The following ZNF506 variants were observed in gnomAD, a reference collection of about 807,000 sequenced individuals.
ZNF506 encodes zinc finger protein 506.
Under a neutral mutation model 11.6 loss-of-function variants are expected in ZNF506, and 10 were observed. That is an observed-to-expected ratio of 0.86 (90% CI 0.53 to 1.46). The LOEUF is 1.46. Among genes scored for constraint, ZNF506 ranks in the 40% most tolerant of loss-of-function variants. The pLI is 0.00. For missense variants in ZNF506, 425 were observed against 521.2 expected, an observed-to-expected ratio of 0.82 and a Z score of 1.80; for synonymous variants, 156 against 173.3, an observed-to-expected ratio of 0.90 and a Z score of 0.78.
chr19:19,797,023 CT>C (rs1259250115), intron 3 of ZNF506: 1 of 152,104 alleles, frequency 6.6e-6, no homozygotes, highest in East Asian at 1.9e-4. Flanking sequence ...TAACAGGTAG[CT>C]TTTTGTTCAT....
intron 1 of ZNF506, among the ~76,000 whole-genome samples, chr19:19,807,482 G>A (rs1253306563): frequency 6.6e-6 from 1 of 151,844 alleles, no homozygotes; most frequent in African/African-American, 2.4e-5. Flanking sequence ...TTTTTTTCCA[G>A]AAGATCTGAA....
intron 1 of ZNF506, among the ~76,000 whole-genome samples, chr19:19,809,356 AAC>A (rs1158009784): frequency 6.6e-6 from 1 of 152,206 alleles, no homozygotes; most frequent in African/African-American, 2.4e-5. Context: ...AGGGCAGAAA[AAC>A]ACAAGTAGAG....
chr19:19,801,266 G>A lies in ZNF506; in HGVS notation c.226+4765C>T, dbSNP rs896050592. On this transcript the variant is annotated intron_variant, in intron 3 of 3. Transcript: ENST00000540806. ...AGCCCTTTGGGAGGCCAAGGCGGGT[G>A]GATTGCCTGAGGTCAGGAGTTCAAG... is the stretch of plus-strand genomic sequence containing the variant. 2.3e-4 allele frequency among the ~76,000 whole-genome samples: 35 copies of A among 152,076 alleles called. 1 individual carries two copies. Among genetic ancestry groups the A allele is most frequent in the African/African-American group, 8.0e-4 (33 of 41,422 alleles).
intron 1 of ZNF506, among the ~76,000 whole-genome samples, chr19:19,808,411 C>T (rs1286980320): frequency 6.6e-6 from 1 of 151,486 alleles, no homozygotes; most frequent in Non-Finnish European, 1.5e-5. Flanking sequence ...GCGTGAGCCA[C>T]TCTGCCCAGC....
chr19:19,820,086 A>C (rs2062957724), intron 1 of ZNF506, among the ~76,000 whole-genome samples: 1 of 149,258 alleles, frequency 6.7e-6, no homozygotes, highest in South Asian at 2.1e-4. Context: ...ACAGAGTGAG[A>C]CTCCATCTCA....
intron 1 of ZNF506, among the ~76,000 whole-genome samples, chr19:19,820,875 G>T (rs1435776342): frequency 1.3e-5 from 2 of 151,844 alleles, no homozygotes; most frequent in African/African-American, 2.4e-5. Context: ...TAAATTATTT[G>T]ATATTTTTGC....
At chr19:19,805,916 G>A (rs2145188811) in intron 3 of ZNF506, 115 bp downstream of exon 3, 1 of 903,986 alleles carries the variant, frequency 1.1e-6, no homozygotes, top group Non-Finnish European at 1.7e-6. Flanking sequence ...AGCTGCCCAG[G>A]AACTATTTCC....
intron 1 of ZNF506, among the ~76,000 whole-genome samples, chr19:19,813,455 A>G (rs1385140652): frequency 6.6e-6 from 1 of 152,208 alleles, no homozygotes; most frequent in Non-Finnish European, 1.5e-5. Flanking sequence ...TGCTGGTAGG[A>G]GTGTAAATTA....
chr19:19,812,628 C>A (rs2062891893), intron 1 of ZNF506, among the ~76,000 whole-genome samples: 1 of 152,194 alleles, frequency 6.6e-6, no homozygotes, highest in African/African-American at 2.4e-5. Context: ...ACTCCCAATG[C>A]AGAAAATGCC....
chr19:19,794,552 T>A lies in ZNF506; in HGVS notation c.1335A>T (p.Ter445TyrextTer23). Reference protein sequence around the residue: ...NVPQPLISIR* With the variant: ...NVPQPLISIRY ...TCATACGGTTTCTCTCCAGTATGAATTATCTTATGCTTATTAAGGGTTGAG... is the reference window on the plus strand; with the variant it reads ...TCATACGGTTTCTCTCCAGTATGAAATATCTTATGCTTATTAAGGGTTGAG... The change falls in exon 4 of 4, where the codon TAA becomes TAT. Residue 445 changes from the stop codon to tyrosine, a stop_lost. Coordinates refer to ENST00000540806, the MANE Select transcript of ZNF506 (RefSeq NM_001099269.3). 1 of 1,582,958 alleles carries A rather than the reference T, an allele frequency of 6.3e-7. No individual in the cohort carries two copies. The highest frequency in any genetic ancestry group is 1.2e-5 in the South Asian group (1 of 84,878).
chr19:19,800,391 A>AATATATATATATATATTTATATATATAT (rs1460340025), intron 3 of ZNF506, among the ~76,000 whole-genome samples: 1,451 of 139,122 alleles, frequency 0.01, 23 homozygotes, highest in East Asian at 0.054. Context: ...AACTAAACAG[A>AATATATATATATATATTTATATATATAT]ATATATATAT....
intron 2 of ZNF506, among the ~76,000 whole-genome samples, chr19:19,806,721 G>A (rs2062838316): frequency 6.6e-6 from 1 of 152,168 alleles, no homozygotes; most frequent in African/African-American, 2.4e-5. Context: ...CTAATTTGGA[G>A]TGAAGAACAC....
At chr19:19,813,328 CAT>C (rs1184292368) in intron 1 of ZNF506, among the ~76,000 whole-genome samples, 16 of 152,048 alleles carry the variant, frequency 1.1e-4, no homozygotes, top group Non-Finnish European at 2.1e-4. Flanking sequence ...ATGAACTAGT[CAT>C]AATGTATGTA....
At chr19:19,800,816 A>G (rs1457110354) in intron 3 of ZNF506, among the ~76,000 whole-genome samples, 1 of 152,194 alleles carries the variant, frequency 6.6e-6, no homozygotes, top group Non-Finnish European at 1.5e-5. Flanking sequence ...ATAAATAAAT[A>G]GATGTTGAAA....
At chr19:19,799,528 A>C in intron 3 of ZNF506, 1 of 619,700 alleles carries the variant, frequency 1.6e-6, no homozygotes, top group Non-Finnish European at 2.8e-6. Context: ...ACAAAAATGG[A>C]ATTAGAGTAT....
chr19:19,795,373 A>AT lies in ZNF506; in HGVS notation c.513dup (p.Ser172IlefsTer3). On this transcript the variant is annotated frameshift_variant, in exon 4 of 4. Coordinates refer to ENST00000540806, the MANE Select transcript of ZNF506 (RefSeq NM_001099269.3). LOFTEE classifies it low-confidence loss of function (END_TRUNC). ...TTCCCATATTCTATACATTTAAAAG[A>AT]TTTTTTTCCAGTATCTCTTATCTTA... 2 of 1,608,088 alleles carry AT rather than the reference A, an allele frequency of 1.2e-6. No individual in the cohort carries two copies. Among genetic ancestry groups the AT allele is most frequent in the Non-Finnish European group, 1.7e-6 (2 of 1,176,964 alleles).
intron 1 of ZNF506, among the ~76,000 whole-genome samples, chr19:19,810,215 C>A (rs913575298): frequency 6.6e-6 from 1 of 152,206 alleles, no homozygotes; most frequent in African/African-American, 2.4e-5. Flanking sequence ...AGGAACAACA[C>A]AGGGTCCCTT....
At chr19:19,795,712 A>G (rs1162499157) in intron 3 of ZNF506, 52 bp from the exon 4 acceptor site, 1 of 1,436,250 alleles carries the variant, frequency 7.0e-7, no homozygotes, top group South Asian at 1.6e-5. Flanking sequence ...TCAGATAAAT[A>G]TACTTCACAA....
chr19:19,821,538 A>T (rs2062967150), intron 1 of ZNF506, 63 bp downstream of exon 1: 1 of 1,611,494 alleles, frequency 6.2e-7, no homozygotes, highest in African/African-American at 1.3e-5. Flanking sequence ...AGCCACAGCC[A>T]CTTCCTCCCC....
Sources: gnomAD v4.1 joint callset for allele counts (sites outside exome capture counted in the v4.1 genomes callset) on GRCh38, gnomAD v4.1.1 for gene constraint, MANE v1.5 for transcripts, NCBI Gene and HGNC (gene_info 2026-07-23, HGNC 2026-07-21) for gene names.